The following SNX4 variants were observed in gnomAD, a reference collection of about 807,000 sequenced individuals.
SNX4 encodes the protein sorting nexin 4.
SNX4 carries 49 observed loss-of-function variants against 70.8 expected under a neutral mutation model. That is an observed-to-expected ratio of 0.69 (90% CI 0.55 to 0.88). The LOEUF is 0.88. Ranked by LOEUF, SNX4 falls within the 40% of genes least tolerant of loss-of-function variation. The pLI, the probability that SNX4 is intolerant of heterozygous loss-of-function variation, is 0.00. For missense variants in SNX4, 528 were observed against 544.8 expected (o/e 0.97, Z 0.31); for synonymous variants, 206 against 183.8 (o/e 1.12, Z -0.98).
At chr3:125,462,692 T>C (rs1340664072) in intron 9 of SNX4, among the ~76,000 whole-genome samples, 2 of 152,068 alleles carry the variant, frequency 1.3e-5, no homozygotes, top group Non-Finnish European at 2.9e-5. Flanking sequence ...CAAGTTGCAG[T>C]TTATCAGATA....
intron 1 of SNX4, 57 bp downstream of exon 1, chr3:125,519,974 GC>G: frequency 1.1e-6 from 1 of 878,308 alleles, no homozygotes. Context: ...GCCCAGCCCA[GC>G]CCGGCCCGCT....
intron 9 of SNX4, among the ~76,000 whole-genome samples, chr3:125,464,140 T>C (rs1159609241): frequency 6.6e-6 from 1 of 152,198 alleles, no homozygotes; most frequent in Non-Finnish European, 1.5e-5. Context: ...ATTAAGTATA[T>C]ATACACTGTT....
chr3:125,480,076 G>A (rs944776435), intron 7 of SNX4, among the ~76,000 whole-genome samples, 171 bp downstream of exon 7: 1 of 152,184 alleles, frequency 6.6e-6, no homozygotes, highest in Admixed American at 6.5e-5. Context: ...GTTTATGACA[G>A]AAACCATTGC....
At chr3:125,463,468 A>C (rs1277861484) in intron 9 of SNX4, among the ~76,000 whole-genome samples, 1 of 152,206 alleles carries the variant, frequency 6.6e-6, no homozygotes, top group Non-Finnish European at 1.5e-5. Context: ...TCAGAATTTT[A>C]TTTAACACTT....
chr3:125,460,171 G>A (rs1269226641), intron 10 of SNX4, among the ~76,000 whole-genome samples: 4 of 147,396 alleles, frequency 2.7e-5, no homozygotes, highest in African/African-American at 7.6e-5. Context: ...TCCAGCCTGG[G>A]TGACACAGCC....
At chr3:125,481,392 T>A (rs1207489151) in intron 6 of SNX4, among the ~76,000 whole-genome samples, 1 of 152,110 alleles carries the variant, frequency 6.6e-6, no homozygotes, top group Non-Finnish European at 1.5e-5. Context: ...TAGTACTCAC[T>A]TCCTTCACCC....
chr3:125,466,707 G>T (rs1386871075), intron 9 of SNX4, among the ~76,000 whole-genome samples: 1 of 152,034 alleles, frequency 6.6e-6, no homozygotes, highest in South Asian at 2.1e-4. Flanking sequence ...CAGGAGAATC[G>T]CTTGAACTGG....
chr3:125,483,461 A>G (rs1179948878), intron 6 of SNX4, among the ~76,000 whole-genome samples: 6 of 152,192 alleles, frequency 3.9e-5, no homozygotes, highest in Admixed American at 2.0e-4. Context: ...CTTAGCTGTC[A>G]TATTTGGATA....
chr3:125,508,665 A>G (rs2107569559), intron 1 of SNX4, among the ~76,000 whole-genome samples: 1 of 152,308 alleles, frequency 6.6e-6, no homozygotes, highest in East Asian at 1.9e-4. Context: ...ACAACGTGGT[A>G]CTGTCATAAA....
intron 5 of SNX4, among the ~76,000 whole-genome samples, chr3:125,492,071 G>A (rs927083660): frequency 3.3e-5 from 4 of 121,676 alleles, no homozygotes; most frequent in Admixed American, 1.1e-4. Context: ...TCGCGCCACC[G>A]CACTCCAGCC....
chr3:125,455,997 G>C (rs77379202), intron 11 of SNX4, among the ~76,000 whole-genome samples: 5,758 of 152,122 alleles, frequency 0.038, 246 homozygotes, highest in African/African-American at 0.092. Context: ...AGCGAAACTC[G>C]GTCTAAAAAC....
chr3:125,492,209 T>C (rs1037289305), intron 5 of SNX4, among the ~76,000 whole-genome samples: 6 of 152,016 alleles, frequency 3.9e-5, no homozygotes, highest in Non-Finnish European at 5.9e-5. Context: ...GCAACACTTT[T>C]ACCTGCTTTA....
At chr3:125,480,642 T>C (rs766351376) in intron 6 of SNX4, among the ~76,000 whole-genome samples, 1 of 152,216 alleles carries the variant, frequency 6.6e-6, no homozygotes, top group Non-Finnish European at 1.5e-5. Context: ...TACATTATGG[T>C]GCAATCATAA....
chr3:125,508,489 C>T (rs1035353993), intron 1 of SNX4, among the ~76,000 whole-genome samples: 13 of 151,884 alleles, frequency 8.6e-5, no homozygotes, highest in African/African-American at 3.1e-4. Flanking sequence ...ATGGCGTGAA[C>T]CCGGGAGGCG....
chr3:125,498,168 C>A lies in SNX4; in HGVS notation c.290G>T (p.Ser97Ile), dbSNP rs1345247530. 1.2e-6 allele frequency: 2 copies of A among 1,613,850 alleles called. No homozygotes were observed. Among genetic ancestry groups the A allele is most frequent in the Non-Finnish European group, 1.7e-6 (2 of 1,179,968 alleles). ...TRSVEHTDGQ[S>I]VLTDSLWRRY... ...CCGCCATAGTGAGTCTGTTAGGACA[C>A]TCTGACCATCGGTATGTTCAACTGA... Residue 97 changes from serine to isoleucine, a missense_variant, in exon 3 of 14, where the codon AGT becomes ATT. By Grantham distance (142) the Ser-to-Ile change is moderately radical. Coordinates refer to ENST00000251775, the MANE Select transcript of SNX4 (RefSeq NM_003794.4).
intron 6 of SNX4, among the ~76,000 whole-genome samples, chr3:125,486,487 G>A (rs139270256): frequency 1.3e-5 from 2 of 152,178 alleles, no homozygotes; most frequent in African/African-American, 2.4e-5. Flanking sequence ...ATTGCCGGGC[G>A]TGGTGGCGGG....
At chr3:125,472,592 C>A (rs934950663) in intron 8 of SNX4, among the ~76,000 whole-genome samples, 1 of 152,124 alleles carries the variant, frequency 6.6e-6, no homozygotes, top group Non-Finnish European at 1.5e-5. Context: ...AAAACTCAAG[C>A]CTTCAGAGAG....
intron 1 of SNX4, among the ~76,000 whole-genome samples, chr3:125,515,291 G>T (rs921919075): frequency 6.6e-6 from 1 of 151,928 alleles, no homozygotes; most frequent in Non-Finnish European, 1.5e-5. Context: ...GATGAAGGCT[G>T]AAGTGAGCCG....
At chr3:125,506,817 TAAAAAAAAAAAAAA>T (rs71148182) in intron 1 of SNX4, among the ~76,000 whole-genome samples, 108 of 26,832 alleles carry the variant, frequency 4.0e-3, no homozygotes, top group South Asian at 7.4e-3. Flanking sequence ...GTGGAGAAAG[TAAAAAAAAAAAAAA>T]AAAAAAAAAA....
Sources: gnomAD v4.1 joint callset for allele counts (sites outside exome capture counted in the v4.1 genomes callset) on GRCh38, gnomAD v4.1.1 for gene constraint, MANE v1.5 for transcripts, NCBI Gene and HGNC (gene_info 2026-07-23, HGNC 2026-07-21) for gene names.